The following MATN2 variants were observed in gnomAD, a reference collection of about 807,000 sequenced individuals.
The protein encoded by MATN2 is matrilin 2.
MATN2 carries 69 observed loss-of-function variants against 103.2 expected under a neutral mutation model. That is an observed-to-expected ratio of 0.67 (90% CI 0.55 to 0.82). The LOEUF is 0.82. MATN2 is among the 40% of genes least tolerant of loss of function. The pLI is 0.00. For missense variants in MATN2, 1,023 were observed against 1,211.5 expected (o/e 0.84, Z 2.31); for synonymous variants, 429 against 450.2 (o/e 0.95, Z 0.60).
At chr8:97,949,918 C>A (rs2130216189) in intron 4 of MATN2, among the ~76,000 whole-genome samples, 1 of 152,276 alleles carries the variant, frequency 6.6e-6, no homozygotes, top group Non-Finnish European at 1.5e-5. Flanking sequence ...CCAGAACATA[C>A]CATGTGGTTC....
chr8:97,984,693 T>G (rs1812136190), intron 6 of MATN2, among the ~76,000 whole-genome samples: 2 of 152,182 alleles, frequency 1.3e-5, no homozygotes, highest in South Asian at 4.1e-4. Flanking sequence ...AAAAACACAC[T>G]CCAGTAAGAG....
At chr8:97,970,574 C>T (rs1324669521) in intron 5 of MATN2, among the ~76,000 whole-genome samples, 1 of 152,122 alleles carries the variant, frequency 6.6e-6, no homozygotes, top group Non-Finnish European at 1.5e-5. Flanking sequence ...CAAGTATTAC[C>T]AGGAAAGAAG....
At chr8:97,886,267 G>T (rs1818425229) in intron 1 of MATN2, among the ~76,000 whole-genome samples, 2 of 152,166 alleles carry the variant, frequency 1.3e-5, no homozygotes, top group Admixed American at 1.3e-4. Flanking sequence ...ATTATATATT[G>T]CAATGTAATA....
intron 1 of MATN2, among the ~76,000 whole-genome samples, chr8:97,875,572 C>T (rs911552660): frequency 2.0e-5 from 3 of 152,020 alleles, no homozygotes; most frequent in Non-Finnish European, 4.4e-5. Flanking sequence ...AAATTATCGT[C>T]TTCCCCTAAG....
At chr8:97,992,174 A>G (rs906057030) in intron 6 of MATN2, among the ~76,000 whole-genome samples, 1 of 152,226 alleles carries the variant, frequency 6.6e-6, no homozygotes, top group Non-Finnish European at 1.5e-5. Context: ...TTTAAGGGAA[A>G]GGACCAGAAT....
At chr8:97,902,236 C>T (rs1420179047) in intron 2 of MATN2, among the ~76,000 whole-genome samples, 6 of 151,016 alleles carry the variant, frequency 4.0e-5, no homozygotes, top group Non-Finnish European at 8.8e-5. Flanking sequence ...TGGCTCACAC[C>T]TGTAATCCCA....
intron 5 of MATN2, among the ~76,000 whole-genome samples, chr8:97,963,957 A>C (rs1183664706): frequency 6.6e-6 from 1 of 152,156 alleles, no homozygotes; most frequent in Non-Finnish European, 1.5e-5. Context: ...GTACAACGCA[A>C]ATGATAGAGA....
intron 2 of MATN2, among the ~76,000 whole-genome samples, chr8:97,926,337 A>G (rs2130124620): frequency 6.6e-6 from 1 of 152,332 alleles, no homozygotes; most frequent in East Asian, 1.9e-4. Flanking sequence ...AAGAACACAC[A>G]CCAAGGAAAT....
intron 10 of MATN2, among the ~76,000 whole-genome samples, chr8:98,013,062 G>C (rs1386385074): frequency 6.6e-6 from 1 of 152,228 alleles, no homozygotes; most frequent in African/African-American, 2.4e-5. Context: ...AGTCAGGGGT[G>C]GTGGCTCTGT....
Position 97,888,165 on chromosome 8 carries a change from A to T in MATN2, c.65A>T (p.Glu22Val), listed in dbSNP as rs751475828. ...GGACAGATCGTCCTCCTCCCTGCCG[A>T]GGCCAGGGAGCGGTCACGTGGGAGG... ...ILGQIVLLPA[E>V]ARERSRGRSI... is the part of the protein sequence containing the mutation. The change falls in exon 2 of 19, where the codon GAG becomes GTG. Residue 22 changes from glutamate (E) to valine (V), a missense_variant. Physicochemically the swap from Glu to Val is moderately radical, Grantham distance 121. Coordinates refer to ENST00000254898, the MANE Select transcript of MATN2 (RefSeq NM_002380.5). 1 of 1,608,732 alleles carries T rather than the reference A, an allele frequency of 6.2e-7. No individual in the cohort carries two copies. The highest frequency in any genetic ancestry group is 1.3e-5 in the African/African-American group (1 of 74,768).
intron 10 of MATN2, among the ~76,000 whole-genome samples, chr8:98,014,760 C>T (rs1421192269): frequency 1.3e-5 from 2 of 152,204 alleles, no homozygotes; most frequent in Non-Finnish European, 2.9e-5. Context: ...CAACAGCTGC[C>T]TTAACTAACC....
At chr8:97,928,248 G>GGA (rs1810059209) in intron 2 of MATN2, among the ~76,000 whole-genome samples, 1 of 136,210 alleles carries the variant, frequency 7.3e-6, no homozygotes, top group Admixed American at 7.6e-5. Flanking sequence ...TTTTTCTGAG[G>GGA]TGGAGTCTTG....
chr8:98,011,794 G>A (rs113691184), intron 10 of MATN2, among the ~76,000 whole-genome samples: 100 of 152,212 alleles, frequency 6.6e-4, no homozygotes, highest in African/African-American at 2.3e-3. Flanking sequence ...CTGTCATCAC[G>A]GCAGAGGTGC....
chr8:97,956,552 G>A (rs1330297124), intron 4 of MATN2, among the ~76,000 whole-genome samples: 1 of 152,210 alleles, frequency 6.6e-6, no homozygotes, highest in Non-Finnish European at 1.5e-5. Context: ...CTCTTGGTTT[G>A]TCAGGTCATT....
intron 4 of MATN2, among the ~76,000 whole-genome samples, chr8:97,960,059 C>T (rs1257520070): frequency 6.6e-6 from 1 of 152,176 alleles, no homozygotes; most frequent in Non-Finnish European, 1.5e-5. Context: ...AAGCCATTCT[C>T]CTGCCTCAGC....
intron 5 of MATN2, among the ~76,000 whole-genome samples, chr8:97,973,684 C>T (rs1235169428): frequency 6.6e-6 from 1 of 151,530 alleles, no homozygotes; most frequent in Non-Finnish European, 1.5e-5. Flanking sequence ...ATCCTCCCAC[C>T]TCAGCCTCCT....
intron 4 of MATN2, among the ~76,000 whole-genome samples, chr8:97,959,792 C>G (rs1473934381): frequency 6.9e-6 from 1 of 145,922 alleles, no homozygotes; most frequent in East Asian, 2.2e-4. Flanking sequence ...CAGCTTTTAT[C>G]TTTTTAAAAA....
chr8:97,984,783 G>A (rs1255167387), intron 6 of MATN2, among the ~76,000 whole-genome samples: 2 of 152,074 alleles, frequency 1.3e-5, no homozygotes, highest in African/African-American at 4.8e-5. Context: ...TAGACACTGG[G>A]CATGCAGTAA....
In MATN2 at chr8:98,007,343, C is replaced by A; in HGVS notation, c.1450+116C>A. On this transcript the variant is annotated intron_variant, in intron 9 of 18. Coordinates refer to ENST00000254898, the MANE Select transcript of MATN2 (RefSeq NM_002380.5). This position sits in a 1 kb window ranked among gnomAD's most constrained non-coding sequence, Gnocchi z 4.2. ...CCCCTCCCCTGCCCCTTGCTCTGCTCCAGGAGATAGTGAGGATGTCCACTG... is the reference window on the plus strand; with the variant it reads ...CCCCTCCCCTGCCCCTTGCTCTGCTACAGGAGATAGTGAGGATGTCCACTG... The A allele has an allele frequency of 6.4e-7, 1 of 1,557,830 alleles. No homozygotes were observed. Among genetic ancestry groups the A allele is most frequent in the Non-Finnish European group, 8.8e-7 (1 of 1,141,282 alleles).
Sources: allele counts gnomAD v4.1 joint callset (sites outside exome capture counted in the v4.1 genomes callset), GRCh38; gene constraint gnomAD v4.1.1; non-coding constraint Gnocchi (gnomAD v3.1); transcripts MANE v1.5; gene names NCBI Gene and HGNC (gene_info 2026-07-23, HGNC 2026-07-21).